B3GALT1: variants seen among roughly 807,000 people sequenced by gnomAD.
B3GALT1 encodes beta-1,3-galactosyltransferase 1, also known as UDP-Gal:betaGlcNAc beta 1,3-galactosyltransferase, polypeptide 1.
B3GALT1 carries 10 observed loss-of-function variants against 23.2 expected under a neutral mutation model. The observed-to-expected ratio is 0.43, with a 90% CI of 0.27 to 0.73. The LOEUF is 0.73. Ranked by LOEUF, B3GALT1 falls within the 30% of genes least tolerant of loss-of-function variation. B3GALT1 has a pLI of 0.21. For synonymous variants in B3GALT1, 156 were observed against 141.5 expected, an observed-to-expected ratio of 1.10 and a Z score of -0.73; for missense variants, 299 against 405.4, an observed-to-expected ratio of 0.74 and a Z score of 2.25.
At chr2:167,357,343 A>G (rs1298571458) in intron 1 of B3GALT1, among the ~76,000 whole-genome samples, 1 of 152,056 alleles carries the variant, frequency 6.6e-6, no homozygotes, top group African/African-American at 2.4e-5. Flanking sequence ...ATATGTAGTT[A>G]AAAAACCAAC....
rs1689187764 is a variant in B3GALT1 at position 167,825,134 on chromosome 2, A to C, written c.-230+6341A>C. Among the ~76,000 whole-genome samples the C allele has an allele frequency of 2.0e-5, 3 of 151,926 alleles. No individual in the cohort carries two copies. The South Asian group carries it at 6.3e-4, about 32-fold the overall frequency. ...CCCCGTCTCTATTAAAAATACAAAA[A>C]ATTAGCTGGGTGTGGTGGCGGGCAC... is the stretch of plus-strand genomic sequence containing the variant. On this transcript the variant is annotated intron_variant, in intron 4 of 4. Transcript: ENST00000392690.
chr2:167,634,948 G>A (rs1041457765), intron 2 of B3GALT1, among the ~76,000 whole-genome samples: 3 of 152,050 alleles, frequency 2.0e-5, no homozygotes, highest in Admixed American at 1.3e-4. Context: ...CAAAAATCCT[G>A]TATAAAATAC....
intron 3 of B3GALT1, among the ~76,000 whole-genome samples, chr2:167,759,907 G>T (rs74547438): frequency 0.026 from 3,900 of 152,206 alleles, 73 homozygotes; most frequent in Non-Finnish European, 0.04. Context: ...TTTTTGGGGT[G>T]TCGTTATAGC....
intron 3 of B3GALT1, among the ~76,000 whole-genome samples, chr2:167,667,523 C>T (rs1686224789): frequency 7.2e-5 from 11 of 152,190 alleles, no homozygotes; most frequent in Admixed American, 7.2e-4. Flanking sequence ...GGAAGTTCTC[C>T]TGGATAATAT....
chr2:167,643,158 T>G (rs1169548899), intron 2 of B3GALT1, among the ~76,000 whole-genome samples: 1 of 152,174 alleles, frequency 6.6e-6, no homozygotes, highest in Non-Finnish European at 1.5e-5. Flanking sequence ...TCTATGAAAT[T>G]CTGTTACAAA....
At chr2:167,515,400 A>G (rs1243766084) in intron 2 of B3GALT1, among the ~76,000 whole-genome samples, 2 of 152,112 alleles carry the variant, frequency 1.3e-5, no homozygotes, top group Non-Finnish European at 2.9e-5. Context: ...TTGTCCTCCT[A>G]TTTGTGTTGG....
chr2:167,774,155 C>A (rs1688118754), intron 3 of B3GALT1, among the ~76,000 whole-genome samples: 1 of 152,176 alleles, frequency 6.6e-6, no homozygotes, highest in South Asian at 2.1e-4. Context: ...AAAGTAATTT[C>A]TATTTTGTGT....
chr2:167,670,448 C>T (rs1375657264), intron 3 of B3GALT1, among the ~76,000 whole-genome samples: 3 of 152,184 alleles, frequency 2.0e-5, no homozygotes, highest in Admixed American at 6.5e-5. Context: ...GAGGTGACTG[C>T]GTCTTTAAAT....
intron 4 of B3GALT1, among the ~76,000 whole-genome samples, chr2:167,835,762 A>T (rs534141122): frequency 6.6e-6 from 1 of 151,630 alleles, no homozygotes; most frequent in African/African-American, 2.4e-5. Context: ...GAGCAGCCTA[A>T]CTGGGAGGCA....
chr2:167,815,597 T>C lies in B3GALT1; in HGVS notation c.-351-3075T>C, dbSNP rs369671275. Among the ~76,000 whole-genome samples the C allele has an allele frequency of 1.8e-4, 28 of 152,316 alleles. No individual in the cohort carries two copies. The South Asian group carries it at 5.8e-3, about 32-fold the overall frequency. The stretch of plus-strand genomic sequence containing the variant: ...GTCCAAATATTATTACTGTCTTGTT[T>C]ATCCTATTATGTCACTAAATTCTCC... On this transcript the variant is annotated intron_variant, in intron 3 of 4. Transcript: ENST00000392690.
intron 1 of B3GALT1, among the ~76,000 whole-genome samples, chr2:167,313,443 G>T (rs185086166): frequency 2.6e-5 from 4 of 152,234 alleles, no homozygotes; most frequent in Admixed American, 1.3e-4. Flanking sequence ...AACATAAAGA[G>T]ATACCTGTAT....
intron 1 of B3GALT1, among the ~76,000 whole-genome samples, chr2:167,427,678 AG>A (rs1266119403): frequency 6.6e-6 from 1 of 152,166 alleles, no homozygotes; most frequent in Non-Finnish European, 1.5e-5. Flanking sequence ...TGAGGACTAC[AG>A]GCGGACACCA....
chr2:167,709,836 C>T (rs183486092), intron 3 of B3GALT1, among the ~76,000 whole-genome samples: 80 of 151,882 alleles, frequency 5.3e-4, no homozygotes, highest in African/African-American at 1.8e-3. Flanking sequence ...CTCAGTTCAC[C>T]CATTTATGAA....
chr2:167,588,192 G>A (rs1223147325), intron 2 of B3GALT1, among the ~76,000 whole-genome samples: 1 of 152,086 alleles, frequency 6.6e-6, no homozygotes, highest in Non-Finnish European at 1.5e-5. Context: ...TCCAACTAGG[G>A]CTTCTAGTCG....
chr2:167,659,589 T>C (rs1345344898), intron 3 of B3GALT1, among the ~76,000 whole-genome samples: 3 of 152,096 alleles, frequency 2.0e-5, no homozygotes, highest in African/African-American at 7.2e-5. Flanking sequence ...TTGTGGACAG[T>C]AGATGCAAAT....
At chr2:167,507,421 A>G (rs1007945817) in intron 2 of B3GALT1, among the ~76,000 whole-genome samples, 3 of 147,628 alleles carry the variant, frequency 2.0e-5, no homozygotes, top group South Asian at 2.2e-4. Context: ...CAGGAGATTC[A>G]CTTGAACCAG....
intron 3 of B3GALT1, among the ~76,000 whole-genome samples, chr2:167,773,228 C>A (rs991078466): frequency 5.9e-5 from 9 of 152,018 alleles, no homozygotes; most frequent in Non-Finnish European, 1.2e-4. Flanking sequence ...AATTTAGAAG[C>A]AATCTTTGAT....
intron 2 of B3GALT1, among the ~76,000 whole-genome samples, chr2:167,640,698 C>T (rs78376011): frequency 0.011 from 1,713 of 152,162 alleles, 60 homozygotes; most frequent in Admixed American, 0.065. Flanking sequence ...TGCCAGCACT[C>T]TAAAAAATGA....
chr2:167,455,823 A>C (rs1205038115), intron 1 of B3GALT1, among the ~76,000 whole-genome samples: 1 of 152,172 alleles, frequency 6.6e-6, no homozygotes, highest in African/African-American at 2.4e-5. Flanking sequence ...GGATCTCTCC[A>C]TTATTTTTAA....
Sources: gnomAD v4.1 joint callset for allele counts (sites outside exome capture counted in the v4.1 genomes callset) on GRCh38, gnomAD v4.1.1 for gene constraint, MANE v1.5 for transcripts, NCBI Gene and HGNC (gene_info 2026-07-23, HGNC 2026-07-21) for gene names.